DAPK1: variants seen among roughly 807,000 people sequenced by gnomAD.
The protein encoded by DAPK1 is death-associated protein kinase 1.
A neutral mutation model predicts 144.9 loss-of-function variants in DAPK1; 56 were observed. The ratio of observed to expected loss-of-function variants is 0.39; its 90% CI spans 0.31 to 0.48. The LOEUF (loss-of-function observed/expected upper bound fraction) is 0.48. Among genes scored for constraint, DAPK1 ranks in the 20% least tolerant of loss-of-function variants. The probability of loss-of-function intolerance (pLI) is 0.95; values close to 1 mark genes in which losing one functional copy is unlikely to be tolerated. For synonymous variants in DAPK1, 690 were observed against 749.0 expected (o/e 0.92, Z 1.29); for missense variants, 1,454 against 1,875.4 (o/e 0.78, Z 4.15).
intron 3 of DAPK1, among the ~76,000 whole-genome samples, chr9:87,634,566 G>C (rs2119109921): frequency 1.3e-5 from 2 of 152,352 alleles, no homozygotes; most frequent in South Asian, 2.1e-4. Flanking sequence ...GGCCTGCCCA[G>C]ATTCAAGAGA....
intron 11 of DAPK1, among the ~76,000 whole-genome samples, chr9:87,645,608 G>A (rs938868272): frequency 6.6e-6 from 1 of 152,176 alleles, no homozygotes; most frequent in Non-Finnish European, 1.5e-5. Context: ...AACACAAAGG[G>A]TTACTTATCA....
At chr9:87,691,127 G>A (rs1825040308) in intron 21 of DAPK1, among the ~76,000 whole-genome samples, 1 of 151,868 alleles carries the variant, frequency 6.6e-6, no homozygotes, top group Non-Finnish European at 1.5e-5. Flanking sequence ...ATCCAAACCT[G>A]GACTTCTCTT....
intron 2 of DAPK1, among the ~76,000 whole-genome samples, chr9:87,546,027 C>T (rs1008501479): frequency 1.3e-5 from 2 of 152,126 alleles, no homozygotes; most frequent in Admixed American, 6.5e-5. Flanking sequence ...CTTCCCATAG[C>T]ATAGAGGGTT....
intron 24 of DAPK1, chr9:87,701,877 A>T (rs1452800198): frequency 8.5e-6 from 4 of 470,502 alleles, no homozygotes; most frequent in Admixed American, 2.4e-5. Flanking sequence ...TTGGGGTCCC[A>T]CTGTGGCATC....
intron 2 of DAPK1, among the ~76,000 whole-genome samples, chr9:87,513,025 C>A (rs1347454770): frequency 1.3e-5 from 2 of 152,152 alleles, no homozygotes; most frequent in African/African-American, 2.4e-5. Flanking sequence ...GTAAAAGTAA[C>A]ATAACACTGA....
intron 19 of DAPK1, among the ~76,000 whole-genome samples, chr9:87,674,599 T>C (rs1184132259): frequency 6.6e-6 from 1 of 151,904 alleles, no homozygotes; most frequent in Admixed American, 6.6e-5. Context: ...AGGAATATTT[T>C]GAAAAATGAA....
At chr9:87,600,117 G>A (rs149883514) in intron 2 of DAPK1, among the ~76,000 whole-genome samples, 4 of 152,278 alleles carry the variant, frequency 2.6e-5, no homozygotes, top group East Asian at 1.9e-4. Context: ...AATGGGCTGC[G>A]GAGAGCACAC....
At chr9:87,625,275 T>G (rs543194707) in intron 3 of DAPK1, among the ~76,000 whole-genome samples, 7 of 152,216 alleles carry the variant, frequency 4.6e-5, no homozygotes, top group Non-Finnish European at 1.0e-4. Context: ...ACAGCAGCTT[T>G]CAGCTGAAGG....
chr9:87,561,911 G>A (rs1826941197), intron 2 of DAPK1, among the ~76,000 whole-genome samples: 1 of 152,110 alleles, frequency 6.6e-6, no homozygotes, highest in African/African-American at 2.4e-5. Context: ...CAAGGAGAAG[G>A]GAAGGGAAGC....
At chr9:87,675,706 G>T (rs568632470) in intron 19 of DAPK1, among the ~76,000 whole-genome samples, 1 of 152,162 alleles carries the variant, frequency 6.6e-6, no homozygotes, top group Non-Finnish European at 1.5e-5. Flanking sequence ...GCAGCCAGGG[G>T]AGATGTGACG....
intron 21 of DAPK1, among the ~76,000 whole-genome samples, chr9:87,689,714 T>C (rs1824989415): frequency 6.6e-6 from 1 of 152,220 alleles, no homozygotes; most frequent in Non-Finnish European, 1.5e-5. Flanking sequence ...GTTTCATTCT[T>C]CTGCATATGG....
chr9:87,664,025 G>A (rs941944014), intron 18 of DAPK1, among the ~76,000 whole-genome samples: 7 of 151,774 alleles, frequency 4.6e-5, no homozygotes, highest in East Asian at 1.9e-4. Context: ...CAGACCAGTC[G>A]GACTCTTCAC....
intron 10 of DAPK1, among the ~76,000 whole-genome samples, chr9:87,642,785 T>G (rs140640400): frequency 2.6e-5 from 4 of 152,290 alleles, no homozygotes; most frequent in Non-Finnish European, 5.9e-5. Context: ...CCAAAAGTCC[T>G]TAGAATTAGG....
At chr9:87,575,951 A>T (rs1166441207) in intron 2 of DAPK1, among the ~76,000 whole-genome samples, 1 of 152,202 alleles carries the variant, frequency 6.6e-6, no homozygotes, top group Non-Finnish European at 1.5e-5. Context: ...CCCACGACAG[A>T]CCCAGCTATG....
chr9:87,680,762 A>G (rs562928457), intron 19 of DAPK1, among the ~76,000 whole-genome samples: 3 of 152,200 alleles, frequency 2.0e-5, no homozygotes, highest in South Asian at 2.1e-4. Context: ...AAACATCTCT[A>G]TGGTTGCCAG....
At chr9:87,591,497 A>T (rs1828132700) in intron 2 of DAPK1, among the ~76,000 whole-genome samples, 1 of 152,230 alleles carries the variant, frequency 6.6e-6, no homozygotes, top group African/African-American at 2.4e-5. Context: ...CCCATAAAGC[A>T]TTGAGTCAAC....
intron 2 of DAPK1, chr9:87,553,387 C>G (rs1418455338): frequency 6.6e-6 from 1 of 152,184 alleles, no homozygotes; most frequent in African/African-American, 2.4e-5. Context: ...TCCGATTCTC[C>G]GCTCCTTAAG....
chr9:87,677,044 G>A (rs1824411303), intron 19 of DAPK1, among the ~76,000 whole-genome samples: 1 of 152,206 alleles, frequency 6.6e-6, no homozygotes, highest in Non-Finnish European at 1.5e-5. Flanking sequence ...AGGTTCCTTG[G>A]AGGTTTTCAT....
chr9:87,568,787 C>G (rs1326609937), intron 2 of DAPK1, among the ~76,000 whole-genome samples: 1 of 151,060 alleles, frequency 6.6e-6, no homozygotes, highest in Non-Finnish European at 1.5e-5. Flanking sequence ...AGTGTTGGGG[C>G]TGTTGCAAAA....
Sources: gnomAD v4.1 joint callset for allele counts (sites outside exome capture counted in the v4.1 genomes callset) on GRCh38, gnomAD v4.1.1 for gene constraint, MANE v1.5 for transcripts, NCBI Gene and HGNC (gene_info 2026-07-23, HGNC 2026-07-21) for gene names.